The following CREB5 variants were observed in gnomAD, a reference collection of about 807,000 sequenced individuals.
CREB5 encodes the protein cyclic AMP-responsive element-binding protein 5.
In CREB5, 19 loss-of-function variants were observed where a neutral mutation model predicts 57.1. The observed-to-expected ratio is 0.33, with a 90% CI of 0.23 to 0.49. The LOEUF is 0.49. Among genes scored for constraint, CREB5 ranks in the 20% least tolerant of loss-of-function variants. CREB5 has a pLI of 0.99. For synonymous variants in CREB5, 238 were observed against 238.3 expected (o/e 1.00, Z 0.01); for missense variants, 579 against 671.6 (o/e 0.86, Z 1.52).
intron 4 of CREB5, among the ~76,000 whole-genome samples, chr7:28,557,309 A>T (rs376717805): frequency 6.6e-6 from 1 of 152,190 alleles, no homozygotes; most frequent in Non-Finnish European, 1.5e-5. Context: ...AGTGAAATGA[A>T]ATTTTAAAAA....
At chr7:28,560,866 C>CGTG (rs1562797336) in intron 4 of CREB5, among the ~76,000 whole-genome samples, 2 of 50,264 alleles carry the variant, frequency 4.0e-5, no homozygotes, top group African/African-American at 7.0e-5. Flanking sequence ...GTGCGTGTGC[C>CGTG]TGCGTGCGCG....
chr7:28,599,745 TTTTGTTTTG>T (rs1209383073), intron 5 of CREB5, among the ~76,000 whole-genome samples: 530 of 3,810 alleles, frequency 0.14, 2 homozygotes, highest in Admixed American at 0.22. Context: ...TTTTGTTTTG[TTTTGTTTTG>T]TTTTTTTATT....
At chr7:28,389,911 T>A (rs1440694160) in intron 1 of CREB5, among the ~76,000 whole-genome samples, 1 of 152,172 alleles carries the variant, frequency 6.6e-6, no homozygotes, top group Non-Finnish European at 1.5e-5. Context: ...CTGTATGCCC[T>A]GTTGTGCTAC....
chr7:28,695,821 C>T (rs913509949), intron 5 of CREB5, among the ~76,000 whole-genome samples: 4 of 152,186 alleles, frequency 2.6e-5, no homozygotes, highest in Non-Finnish European at 5.9e-5. Context: ...CTCCCTCTTC[C>T]TCCCCACCTA....
chr7:28,807,686 T>G (rs531769235), intron 8 of CREB5, among the ~76,000 whole-genome samples: 4 of 152,308 alleles, frequency 2.6e-5, no homozygotes, highest in Non-Finnish European at 5.9e-5. Context: ...TGAGCTTCAT[T>G]TTTAAAACTT....
rs73075822 is a variant in CREB5 at position 28,447,515 on chromosome 7, A to G, written c.3+34598A>G. On this transcript the variant is annotated intron_variant, in intron 1 of 10. Coordinates refer to ENST00000357727, the MANE Select transcript of CREB5 (RefSeq NM_182898.4). Reference sequence around the variant, plus strand: ...TAGTCATTTGCCTCAGCTAAGCCCAACCTCCATGATCTTTAGCCATGCTGA... The same window carrying G: ...TAGTCATTTGCCTCAGCTAAGCCCAGCCTCCATGATCTTTAGCCATGCTGA... Among the ~76,000 whole-genome samples the G allele has an allele frequency of 9.9e-3, 1,507 of 152,260 alleles. 13 individuals are homozygous for G. The highest frequency in any genetic ancestry group is 0.027 in the Middle Eastern group (8 of 294).
intron 5 of CREB5, among the ~76,000 whole-genome samples, chr7:28,625,965 A>G (rs1351562743): frequency 6.6e-6 from 1 of 152,208 alleles, no homozygotes; most frequent in Non-Finnish European, 1.5e-5. Flanking sequence ...ATTAGGTACC[A>G]TATGCTTTTC....
intron 1 of CREB5, among the ~76,000 whole-genome samples, chr7:28,419,239 A>C (rs7779184): frequency 0.1 from 15,180 of 152,234 alleles, 2,004 homozygotes; most frequent in African/African-American, 0.29. Flanking sequence ...TTGAAGGCAA[A>C]GGTCTGTACA....
intron 5 of CREB5, among the ~76,000 whole-genome samples, chr7:28,672,525 A>G (rs1800101452): frequency 6.6e-6 from 1 of 152,204 alleles, no homozygotes; most frequent in African/African-American, 2.4e-5. Context: ...ACTATAAAAT[A>G]GGCTCTGATA....
intron 1 of CREB5, among the ~76,000 whole-genome samples, chr7:28,454,154 C>T (rs560043683): frequency 1.3e-5 from 2 of 152,178 alleles, no homozygotes; most frequent in South Asian, 2.1e-4. Context: ...GGGGCTTCAT[C>T]GTGTTAGCCA....
intron 4 of CREB5, among the ~76,000 whole-genome samples, chr7:28,528,399 C>G (rs925220106): frequency 5.3e-5 from 8 of 152,180 alleles, no homozygotes; most frequent in Non-Finnish European, 8.8e-5. Context: ...TTGTAAACTT[C>G]AGTGTGCTAT....
chr7:28,565,582 GTA>G lies in CREB5; in HGVS notation c.292-4781_292-4780del, dbSNP rs959881831. Among the ~76,000 whole-genome samples the G allele has an allele frequency of 1.2e-4, 19 of 152,280 alleles. 1 individual carries two copies. Among genetic ancestry groups the G allele is most frequent in the African/African-American group, 4.1e-4 (17 of 41,554 alleles). On this transcript the variant is annotated intron_variant, in intron 4 of 10. Transcript: ENST00000357727. Reference sequence around the variant, plus strand: ...TACCATCGTGCCTGCTTCAACGTAGGTATTCAAATTGTAATTATTATTGACTT... The same window carrying G: ...TACCATCGTGCCTGCTTCAACGTAGGTTCAAATTGTAATTATTATTGACTT...
chr7:28,560,891 TGTGTGCGTGCGCGC>T (rs1795149755), intron 4 of CREB5, among the ~76,000 whole-genome samples: 1 of 19,726 alleles, frequency 5.1e-5, no homozygotes, highest in African/African-American at 2.2e-4. Context: ...TGCGTGCGTG[TGTGTGCGTGCGCGC>T]GTGCGTGTGC....
At chr7:28,430,908 G>C (rs999191158) in intron 1 of CREB5, among the ~76,000 whole-genome samples, 4 of 152,136 alleles carry the variant, frequency 2.6e-5, no homozygotes, top group African/African-American at 9.7e-5. Context: ...AACCTCAGTG[G>C]GGGAAGATCT....
chr7:28,481,544 C>G (rs1262441151), intron 1 of CREB5, among the ~76,000 whole-genome samples: 3 of 152,078 alleles, frequency 2.0e-5, no homozygotes, highest in Non-Finnish European at 4.4e-5. Context: ...GGTTTGAAAA[C>G]CTTGTAGCAT....
chr7:28,487,129 G>C (rs917477828), intron 1 of CREB5, among the ~76,000 whole-genome samples: 1 of 152,080 alleles, frequency 6.6e-6, no homozygotes, highest in Non-Finnish European at 1.5e-5. Flanking sequence ...CGCCTCTCCT[G>C]TTCCAGCCTC....
At position 28,323,382 on chromosome 7, in the gene CREB5, C is replaced by T. The variant is rs552465103; in HGVS notation, c.-25+23941C>T. 1.5e-4 allele frequency among the ~76,000 whole-genome samples: 23 copies of T among 152,318 alleles called. No individual in the cohort carries two copies. The South Asian group carries it at 4.8e-3, about 32-fold the overall frequency. Reference sequence around the variant, plus strand: ...TTATCCCTTCTCCTCTTCCCTTCCTCCGTGTTCCTATCTTGGGACCCTGCT... The same window carrying T: ...TTATCCCTTCTCCTCTTCCCTTCCTTCGTGTTCCTATCTTGGGACCCTGCT... On this transcript the variant is annotated intron_variant, in intron 1 of 9. Transcript: ENST00000396299.
intron 5 of CREB5, among the ~76,000 whole-genome samples, chr7:28,668,459 A>G (rs1356106052): frequency 6.6e-6 from 1 of 152,126 alleles, no homozygotes; most frequent in Non-Finnish European, 1.5e-5. Flanking sequence ...TCCTATTTTA[A>G]TTATGCAACT....
intron 7 of CREB5, among the ~76,000 whole-genome samples, chr7:28,782,519 T>G (rs1807048928): frequency 6.6e-6 from 1 of 152,216 alleles, no homozygotes. Context: ...TACTAGCACA[T>G]CACCCCAAGA....
Sources: allele counts gnomAD v4.1 joint callset (sites outside exome capture counted in the v4.1 genomes callset), GRCh38; gene constraint gnomAD v4.1.1; transcripts MANE v1.5; gene names NCBI Gene and HGNC (gene_info 2026-07-23, HGNC 2026-07-21).